The following SCHIP1 variants were observed in gnomAD, a reference collection of about 807,000 sequenced individuals.
The protein encoded by SCHIP1 is schwannomin interacting protein 1, also known as schwannomin-interacting protein 1.
A neutral mutation model predicts 29.7 loss-of-function variants in SCHIP1; 8 were observed. That is an observed-to-expected ratio of 0.27 (90% CI 0.16 to 0.49). The LOEUF (loss-of-function observed/expected upper bound fraction) is 0.49, where lower values mean the gene tolerates loss of function less well. Ranked by LOEUF, SCHIP1 falls within the 20% of genes least tolerant of loss-of-function variation. The pLI is 0.99. For synonymous variants in SCHIP1, 76 were observed against 94.9 expected (o/e 0.80, Z 1.16); for missense variants, 193 against 294.6 (o/e 0.66, Z 2.52).
chr3:159,571,801 A>G, the SCHIP1 span, among the ~76,000 whole-genome samples: 1 of 152,158 alleles, frequency 6.6e-6, no homozygotes, highest in Non-Finnish European at 1.5e-5. Context: ...CCTCAATTTC[A>G]GAGCCTGTTA....
Position 159,895,432 on chromosome 3 carries a change from T to C in SCHIP1, c.684-1291T>C, listed in dbSNP as rs142741008. ...CACAAACTATTCCTAAACGTTTGAT[T>C]ATAGCTGGAAACCACAGCCCTAGAT... On this transcript the variant is annotated intron_variant, in intron 6 of 6. Coordinates refer to ENST00000445224, the Ensembl canonical transcript of SCHIP1. Among the ~76,000 whole-genome samples, 577 of 152,328 alleles carry C rather than the reference T, an allele frequency of 3.8e-3. 4 individuals are homozygous for C. Among genetic ancestry groups the C allele is most frequent in the African/African-American group, 0.013 (557 of 41,570 alleles).
chr3:159,581,055 T>C, the SCHIP1 span, among the ~76,000 whole-genome samples: 1 of 152,156 alleles, frequency 6.6e-6, no homozygotes, highest in South Asian at 2.1e-4. Flanking sequence ...ATTTTACAAG[T>C]CACATTGGAA....
the SCHIP1 span, among the ~76,000 whole-genome samples, chr3:159,528,743 G>A: frequency 6.6e-5 from 10 of 152,284 alleles, no homozygotes; most frequent in South Asian, 2.1e-3. Flanking sequence ...GAAACATAAT[G>A]GCAAAAGGAT....
the SCHIP1 span, among the ~76,000 whole-genome samples, chr3:159,749,709 CT>C: frequency 3.3e-5 from 5 of 152,210 alleles, no homozygotes; most frequent in African/African-American, 1.2e-4. Flanking sequence ...TGCACATAGC[CT>C]GTTTTTGCAA....
chr3:159,834,192 C>G, the SCHIP1 span, among the ~76,000 whole-genome samples: 1 of 152,164 alleles, frequency 6.6e-6, no homozygotes, highest in Non-Finnish European at 1.5e-5. Flanking sequence ...GGTACTATGT[C>G]AGACATTGGG....
At chr3:159,424,691 C>G in the SCHIP1 span, among the ~76,000 whole-genome samples, 1 of 151,974 alleles carries the variant, frequency 6.6e-6, no homozygotes, top group Non-Finnish European at 1.5e-5. Flanking sequence ...ATACAGAGAA[C>G]GCCACAAAGA....
the SCHIP1 span, among the ~76,000 whole-genome samples, chr3:159,379,758 G>A: frequency 2.0e-5 from 3 of 150,502 alleles, no homozygotes; most frequent in Admixed American, 1.3e-4. Context: ...AAGAAAAGCT[G>A]CCTGGCTTCC....
the SCHIP1 span, among the ~76,000 whole-genome samples, chr3:159,533,601 C>T: frequency 6.6e-6 from 1 of 152,104 alleles, no homozygotes; most frequent in African/African-American, 2.4e-5. Flanking sequence ...CTGACTCCTT[C>T]ACAAGCCATC....
the SCHIP1 span, among the ~76,000 whole-genome samples, chr3:159,737,052 G>C: frequency 6.6e-6 from 1 of 152,182 alleles, no homozygotes; most frequent in Non-Finnish European, 1.5e-5. Context: ...CATTCTTTTA[G>C]TGTGCTCTGG....
At chr3:159,546,887 T>C in the SCHIP1 span, among the ~76,000 whole-genome samples, 1 of 151,176 alleles carries the variant, frequency 6.6e-6, no homozygotes, top group Non-Finnish European at 1.5e-5. Flanking sequence ...AACATACATG[T>C]GCATGTGTCT....
the SCHIP1 span, among the ~76,000 whole-genome samples, chr3:159,701,394 T>C: frequency 9.7e-4 from 147 of 152,330 alleles, 5 homozygotes; most frequent in Admixed American, 9.4e-3. Flanking sequence ...CAACAGTATA[T>C]CCTTTTTAAA....
At chr3:159,623,405 C>T in the SCHIP1 span, among the ~76,000 whole-genome samples, 20 of 152,122 alleles carry the variant, frequency 1.3e-4, no homozygotes, top group African/African-American at 4.8e-4. Context: ...GGAGGCGGAT[C>T]ACCTGAGGTT....
At chr3:159,571,617 G>T in the SCHIP1 span, among the ~76,000 whole-genome samples, 80 of 152,134 alleles carry the variant, frequency 5.3e-4, 1 homozygote, top group Non-Finnish European at 1.2e-4. Flanking sequence ...CCAGGCTTTG[G>T]TATCAGGATG....
At chr3:159,301,868 A>C in the SCHIP1 span, among the ~76,000 whole-genome samples, 4 of 152,208 alleles carry the variant, frequency 2.6e-5, no homozygotes, top group Non-Finnish European at 4.4e-5. Flanking sequence ...GGACTAATAC[A>C]GGAACCCTTA....
chr3:159,705,664 A>G, the SCHIP1 span, among the ~76,000 whole-genome samples: 2 of 152,156 alleles, frequency 1.3e-5, no homozygotes, highest in African/African-American at 4.8e-5. Flanking sequence ...GTTCAGTAGC[A>G]GGATGGATGT....
chr3:159,571,873 G>A, the SCHIP1 span, among the ~76,000 whole-genome samples: 1 of 152,138 alleles, frequency 6.6e-6, no homozygotes, highest in Non-Finnish European at 1.5e-5. Context: ...ATGTGTCGAG[G>A]AATTTATCCA....
chr3:159,823,506 C>G, the SCHIP1 span, among the ~76,000 whole-genome samples: 1 of 152,258 alleles, frequency 6.6e-6, no homozygotes, highest in South Asian at 2.1e-4. Context: ...GGAGCAAGGA[C>G]AAATGATGAC....
At chr3:159,400,936 A>G in the SCHIP1 span, among the ~76,000 whole-genome samples, 6 of 152,180 alleles carry the variant, frequency 3.9e-5, no homozygotes, top group Non-Finnish European at 8.8e-5. Flanking sequence ...TAATCTCTGT[A>G]AAGCTCAGTG....
the SCHIP1 span, among the ~76,000 whole-genome samples, chr3:159,592,488 T>C: frequency 6.6e-6 from 1 of 152,018 alleles, no homozygotes; most frequent in African/African-American, 2.4e-5. Context: ...CTCTACCATG[T>C]GTCCCCTACC....
Sources: gnomAD v4.1 joint callset for allele counts (sites outside exome capture counted in the v4.1 genomes callset) on GRCh38, gnomAD v4.1.1 for gene constraint, MANE v1.5 for transcripts, NCBI Gene and HGNC (gene_info 2026-07-23, HGNC 2026-07-21) for gene names.